Variants in EFCAB6 observed in about 807,000 individuals in gnomAD.
The protein encoded by EFCAB6 is EF-hand calcium binding domain 6, also known as EF-hand calcium-binding domain-containing protein 6.
A neutral mutation model predicts 169.8 loss-of-function variants in EFCAB6; 156 were observed. The ratio of observed to expected loss-of-function variants is 0.92; its 90% CI spans 0.81 to 1.05. The LOEUF (loss-of-function observed/expected upper bound fraction) is 1.05. Ranked by LOEUF, EFCAB6 falls within the 50% of genes least tolerant of loss-of-function variation. The probability of loss-of-function intolerance (pLI) is 0.00; values close to 1 mark genes in which losing one functional copy is unlikely to be tolerated. For synonymous variants in EFCAB6, 698 were observed against 676.4 expected, an observed-to-expected ratio of 1.03 and a Z score of -0.50; for missense variants, 1,800 against 1,829.1, an observed-to-expected ratio of 0.98 and a Z score of 0.29.
chr22:43,551,311 C>CA (rs1255295857), intron 27 of EFCAB6, among the ~76,000 whole-genome samples: 1 of 152,202 alleles, frequency 6.6e-6, no homozygotes, highest in Non-Finnish European at 1.5e-5. Context: ...CATCCAGGGG[C>CA]ATTTGCCCCA....
At chr22:43,772,255 T>C (rs1042355384) in intron 4 of EFCAB6, among the ~76,000 whole-genome samples, 68 of 152,244 alleles carry the variant, frequency 4.5e-4, no homozygotes, top group African/African-American at 1.6e-3. Flanking sequence ...AAGCCAATGC[T>C]CCGTAACTAT....
chr22:43,546,312 G>A (rs2048051251), intron 27 of EFCAB6, among the ~76,000 whole-genome samples: 1 of 152,210 alleles, frequency 6.6e-6, no homozygotes, highest in African/African-American at 2.4e-5. Context: ...TAATGAACCT[G>A]AAGATAGAGT....
Position 43,711,528 on chromosome 22 carries a change from G to C in EFCAB6, c.978C>G (p.Leu326=), listed in dbSNP as rs373479963. ...YVSFNYLKIV[L]DTFVYQIPRR... ...TTGGTATTTGGTATACAAAAGTGTC[G>C]AGGACAATCTTTAGATAATTAAAAG... is the stretch of plus-strand genomic sequence containing the variant. The change falls in exon 10 of 32, where the codon CTC becomes CTG. Residue 326 remains leucine, a synonymous_variant. Transcript: ENST00000262726. 3 of 1,605,376 alleles carry C rather than the reference G, an allele frequency of 1.9e-6. No individual in the cohort carries two copies. Among genetic ancestry groups the C allele is most frequent in the African/African-American group, 2.7e-5 (2 of 74,282 alleles).
chr22:43,746,179 C>T (rs917723876), intron 6 of EFCAB6, among the ~76,000 whole-genome samples: 1 of 152,236 alleles, frequency 6.6e-6, no homozygotes, highest in African/African-American at 2.4e-5. Context: ...GCCTCCCTGC[C>T]TCTGGGCTGA....
At chr22:43,765,841 C>T (rs2061310560) in intron 4 of EFCAB6, among the ~76,000 whole-genome samples, 1 of 152,020 alleles carries the variant, frequency 6.6e-6, no homozygotes, top group South Asian at 2.1e-4. Flanking sequence ...AAAAATTCCA[C>T]AAAGGATATC....
At chr22:43,799,046 G>A (rs1381755436) in intron 2 of EFCAB6, among the ~76,000 whole-genome samples, 1 of 152,150 alleles carries the variant, frequency 6.6e-6, no homozygotes, top group African/African-American at 2.4e-5. Flanking sequence ...AATGCAGCTG[G>A]GAGCAGTGGC....
intron 1 of EFCAB6, among the ~76,000 whole-genome samples, chr22:43,811,872 G>A (rs933126885): frequency 6.6e-6 from 1 of 152,172 alleles, no homozygotes; most frequent in Non-Finnish European, 1.5e-5. Context: ...TTCTCACAGA[G>A]AGGCAGGGAA....
chr22:43,598,382 T>G (rs1226696410), intron 23 of EFCAB6, among the ~76,000 whole-genome samples: 1 of 149,742 alleles, frequency 6.7e-6, no homozygotes, highest in South Asian at 2.1e-4. Flanking sequence ...AGAGGCTAAT[T>G]TACCAGAGGT....
chr22:43,565,329 G>T (rs1407866376), intron 26 of EFCAB6, among the ~76,000 whole-genome samples: 2 of 152,210 alleles, frequency 1.3e-5, no homozygotes, highest in Admixed American at 1.3e-4. Context: ...TGAATGAATG[G>T]ATGTTATTGT....
In EFCAB6 at chr22:43,722,495, C is replaced by T. The variant is rs934226946; in HGVS notation, c.758-5523G>A. Among the ~76,000 whole-genome samples, 24 of 149,548 alleles carry T rather than the reference C, an allele frequency of 1.6e-4. 1 individual carries two copies. The highest frequency in any genetic ancestry group is 1.3e-3 in the Admixed American group (20 of 14,940). ...GCAGTGAGCCGGGATCGCGCTGCTGCACTCCAGCCTGATGAAAGAGTGAGA... is the reference window on the plus strand; with the variant it reads ...GCAGTGAGCCGGGATCGCGCTGCTGTACTCCAGCCTGATGAAAGAGTGAGA... On this transcript the variant is annotated intron_variant, in intron 8 of 31. Transcript: ENST00000262726.
chr22:43,647,942 C>T (rs1008939920), intron 17 of EFCAB6, among the ~76,000 whole-genome samples: 2 of 152,040 alleles, frequency 1.3e-5, no homozygotes, highest in African/African-American at 2.4e-5. Context: ...CTCCTGGCTT[C>T]GAGAACTGTG....
intron 15 of EFCAB6, among the ~76,000 whole-genome samples, chr22:43,669,593 G>A (rs2057400372): frequency 6.6e-6 from 1 of 152,262 alleles, no homozygotes; most frequent in South Asian, 2.1e-4. Context: ...AATTGCTAAA[G>A]GGCATATGGA....
At chr22:43,641,553 T>G (rs1384573878) in intron 17 of EFCAB6, among the ~76,000 whole-genome samples, 2 of 149,922 alleles carry the variant, frequency 1.3e-5, no homozygotes, top group East Asian at 2.0e-4. Flanking sequence ...GAGGCAGAGG[T>G]TGCAGTGAGC....
chr22:43,773,301 A>G (rs2061537840), intron 3 of EFCAB6, among the ~76,000 whole-genome samples, 198 bp from the exon 4 acceptor site: 1 of 152,196 alleles, frequency 6.6e-6, no homozygotes, highest in South Asian at 2.1e-4. Flanking sequence ...AATTTGGTCA[A>G]TATAGAATAA....
intron 20 of EFCAB6, among the ~76,000 whole-genome samples, chr22:43,624,513 T>TCCCCATTTCCCA (rs1318602633): frequency 6.6e-6 from 1 of 152,104 alleles, no homozygotes; most frequent in Non-Finnish European, 1.5e-5. Context: ...CAAACGTGCT[T>TCCCCATTTCCCA]AACACTCCCG....
Position 43,667,243 on chromosome 22 carries a change from A to C in EFCAB6, c.1844T>G (p.Leu615Arg). The change falls in exon 17 of 32, where the codon CTG becomes CGG. Residue 615 changes from leucine (L) to arginine (R), a missense_variant. Physicochemically the swap from Leu to Arg is moderately radical, Grantham distance 102. Coordinates refer to ENST00000262726, the MANE Select transcript of EFCAB6 (RefSeq NM_022785.4). ...RTKLTEDKTT[L>R]TKKMTTEEVI... ...TTCTTCTGTGGTCATCTTCTTGGTC[A>C]GGGTGGTTTTATCCTCCGTGAGCTT... 1 of 1,614,058 alleles carries C rather than the reference A, an allele frequency of 6.2e-7. No individual in the cohort carries two copies. Among genetic ancestry groups the C allele is most frequent in the Non-Finnish European group, 8.5e-7 (1 of 1,179,968 alleles).
chr22:43,777,566 G>T (rs995585419), intron 3 of EFCAB6, among the ~76,000 whole-genome samples: 2 of 152,132 alleles, frequency 1.3e-5, no homozygotes, highest in African/African-American at 4.8e-5. Context: ...CAGCAGCTGC[G>T]TGCTTCAGTA....
chr22:43,582,049 C>A (rs1281619468), intron 24 of EFCAB6, among the ~76,000 whole-genome samples: 1 of 152,088 alleles, frequency 6.6e-6, no homozygotes. Context: ...GCAATGGATC[C>A]TTATTAAGGT....
At chr22:43,534,602 T>G (rs1347223280) in intron 30 of EFCAB6, 86 bp downstream of exon 30, 2 of 1,275,312 alleles carry the variant, frequency 1.6e-6, no homozygotes, top group African/African-American at 3.0e-5. Flanking sequence ...GTCTGGGCAA[T>G]AGAGTAAGAC....
Sources: gnomAD v4.1 joint callset for allele counts (sites outside exome capture counted in the v4.1 genomes callset) on GRCh38, gnomAD v4.1.1 for gene constraint, MANE v1.5 for transcripts, NCBI Gene and HGNC (gene_info 2026-07-23, HGNC 2026-07-21) for gene names.